The following DNAH6 variants were observed in gnomAD, a reference collection of about 807,000 sequenced individuals.
DNAH6 encodes dynein axonemal heavy chain 6.
A neutral mutation model predicts 491.4 loss-of-function variants in DNAH6; 340 were observed. The ratio of observed to expected loss-of-function variants is 0.69; its 90% CI spans 0.63 to 0.76. DNAH6 has a LOEUF of 0.76. DNAH6 is among the 30% of genes least tolerant of loss of function. The pLI, the probability that DNAH6 is intolerant of heterozygous loss-of-function variation, is 0.00. For missense variants in DNAH6, 4,443 were observed against 4,972.2 expected, an observed-to-expected ratio of 0.89 and a Z score of 3.20; for synonymous variants, 1,603 against 1,686.1, an observed-to-expected ratio of 0.95 and a Z score of 1.21.
intron 38 of DNAH6, among the ~76,000 whole-genome samples, 194 bp downstream of exon 38, chr2:84,669,704 A>C (rs1263164168): frequency 1.3e-5 from 2 of 152,200 alleles, no homozygotes; most frequent in Non-Finnish European, 2.9e-5. Flanking sequence ...TTCTGAACAC[A>C]TTCTTGGAGT....
chr2:84,594,639 A>G lies in DNAH6; in HGVS notation c.2724+554A>G, dbSNP rs1444717232. Reference sequence around the variant, plus strand: ...AACAAAGGTCAACTCTCTACAAGGCAAAATAGATGGCCACCTATACTTTCA... The same window carrying G: ...AACAAAGGTCAACTCTCTACAAGGCGAAATAGATGGCCACCTATACTTTCA... On this transcript the variant is annotated intron_variant, in intron 17 of 76. Transcript: ENST00000389394. Among the ~76,000 whole-genome samples, 3 of 152,236 alleles carry G rather than the reference A, an allele frequency of 2.0e-5. No homozygotes were observed. The East Asian group carries it at 5.8e-4, about 29-fold the overall frequency.
intron 33 of DNAH6, 84 bp from the exon 34 acceptor site, chr2:84,653,235 T>A: frequency 8.9e-7 from 1 of 1,123,448 alleles, no homozygotes; most frequent in Non-Finnish European, 1.2e-6. Flanking sequence ...ACAATAAGAC[T>A]CATAATATTT....
rs535869571 is a variant in DNAH6, at chr2:84,784,889, G to A, written c.10953+79G>A. The A allele has an allele frequency of 2.9e-5, 29 of 1,014,088 alleles. No individual in the cohort carries two copies. In the South Asian group the frequency reaches 3.9e-4, roughly 14 times the overall value. The allele number at this position is 1,014,088 out of a possible 1,614,324, so 62.8% of individuals were successfully genotyped here. Reference sequence around the variant, plus strand: ...ACCTAGTGCCTCCCAGGAGATCAGAGCCTGCACAGAAGCATGTGGAGGTCT... The same window carrying A: ...ACCTAGTGCCTCCCAGGAGATCAGAACCTGCACAGAAGCATGTGGAGGTCT... On this transcript the variant is annotated intron_variant, in intron 66 of 76. Coordinates refer to ENST00000389394, the MANE Select transcript of DNAH6 (RefSeq NM_001370.2).
intron 9 of DNAH6, 141 bp downstream of exon 9, chr2:84,550,198 C>A: frequency 1.5e-6 from 1 of 655,722 alleles, no homozygotes; most frequent in Non-Finnish European, 2.5e-6. Context: ...ACATTTTGGA[C>A]ACCAGAGACC....
intron 63 of DNAH6, among the ~76,000 whole-genome samples, chr2:84,746,880 C>T (rs1252636303): frequency 2.0e-5 from 3 of 152,096 alleles, no homozygotes; most frequent in Non-Finnish European, 4.4e-5. Context: ...AGGCACATCA[C>T]ATGGTGAGAG....
intron 64 of DNAH6, among the ~76,000 whole-genome samples, chr2:84,772,022 G>T (rs750292788): frequency 3.9e-5 from 6 of 152,014 alleles, no homozygotes; most frequent in Non-Finnish European, 8.8e-5. Flanking sequence ...ATAAATATAT[G>T]TTGGTCATGC....
chr2:84,518,203 T>C (rs1398003488), intron 2 of DNAH6, among the ~76,000 whole-genome samples, 152 bp downstream of exon 2: 2 of 152,210 alleles, frequency 1.3e-5, no homozygotes, highest in African/African-American at 4.8e-5. Flanking sequence ...GTAAATACGG[T>C]AAATATTTAT....
rs747006596 is a variant in DNAH6 at position 84,577,363 on chromosome 2, G to A, written c.2031G>A (p.Arg677=). 3.1e-6 allele frequency: 5 copies of A among 1,610,764 alleles called. No individual in the cohort carries two copies. Among genetic ancestry groups the A allele is most frequent in the South Asian group, 1.1e-5 (1 of 90,358 alleles). The change falls in exon 13 of 77, where the codon AGG becomes AGA. Residue 677 remains arginine, a synonymous_variant. Coordinates refer to ENST00000389394, the MANE Select transcript of DNAH6 (RefSeq NM_001370.2). Reference sequence around the variant, plus strand: ...TAGGATTGCTGCTCATTGATACTAGGCTTCTAAGAGAAAAATTAATTCCAT... The same window carrying A: ...TAGGATTGCTGCTCATTGATACTAGACTTCTAAGAGAAAAATTAATTCCAT... ...RNVGLLLIDT[R]LLREKLIPSP...
At chr2:84,496,552 A>G in the DNAH6 span, among the ~76,000 whole-genome samples, 6 of 152,168 alleles carry the variant, frequency 3.9e-5, no homozygotes, top group African/African-American at 1.4e-4. Flanking sequence ...TGAATCACCT[A>G]TAAGAATTTT....
Position 84,658,397 on chromosome 2 carries a change from G to A in DNAH6, c.5863G>A (p.Asp1955Asn), listed in dbSNP as rs913537256. ...KKCSQAIPQV[D>N]ISKVTTLCCL... ...GTGCAGCCAAGCAATTCCACAAGTG[G>A]ACATCAGCAAAGTTACTACACTCTG... The change falls in exon 36 of 77, where the codon GAC (aspartate) becomes AAC (asparagine). Residue 1955 changes from aspartate to asparagine, a missense_variant. Around this residue, in one of 3 missense-constraint regions of DNAH6, gnomAD observed 2,977 missense variants for 3,296.6 expected, o/e 0.90. Transcript: ENST00000389394. 5.2e-6 allele frequency: 8 copies of A among 1,549,194 alleles called. No homozygotes were observed. In the African/African-American group the frequency reaches 1.1e-4, roughly 21 times the overall value.
intron 62 of DNAH6, among the ~76,000 whole-genome samples, chr2:84,734,253 G>C (rs1337236254): frequency 6.6e-6 from 1 of 150,608 alleles, no homozygotes; most frequent in African/African-American, 2.4e-5. Flanking sequence ...TCATTCTCTG[G>C]CCTCAGCCTC....
At position 84,547,257 on chromosome 2, in the gene DNAH6, T is replaced by C; in HGVS notation, c.931-11T>C. On this transcript the variant is annotated splice_polypyrimidine_tract_variant and intron_variant, in intron 5 of 76. Coordinates refer to ENST00000389394, the MANE Select transcript of DNAH6 (RefSeq NM_001370.2). ...ATTTTTACTAAATAATAAATTCCTA[T>C]TTTCATTCAGCATTTGCGACCAGCT... is the stretch of plus-strand genomic sequence containing the variant. 1 of 1,514,348 alleles carries C rather than the reference T, an allele frequency of 6.6e-7. No homozygotes were observed. The highest frequency in any genetic ancestry group is 8.9e-7 in the Non-Finnish European group (1 of 1,128,338). The allele number at this position is 1,514,348 out of a possible 1,614,324, so 93.8% of individuals were successfully genotyped here. A position where few individuals can be genotyped will look rare whatever the true frequency, so the allele number is the denominator to read the frequency against.
At chr2:84,690,304 T>G (rs901598037) in intron 45 of DNAH6, among the ~76,000 whole-genome samples, 2 of 152,226 alleles carry the variant, frequency 1.3e-5, no homozygotes, top group African/African-American at 4.8e-5. Flanking sequence ...TTAGCCCTAA[T>G]TCAAGATTTA....
At chr2:84,793,114 G>A (rs1464970197) in intron 68 of DNAH6, among the ~76,000 whole-genome samples, 1 of 152,186 alleles carries the variant, frequency 6.6e-6, no homozygotes, top group African/African-American at 2.4e-5. Flanking sequence ...CCACTATGTT[G>A]GGTTCTGCAA....
chr2:84,492,667 A>G, the DNAH6 span, among the ~76,000 whole-genome samples: 1 of 152,192 alleles, frequency 6.6e-6, no homozygotes, highest in Admixed American at 6.5e-5. Flanking sequence ...TCAAAATGCC[A>G]TATTGCTCTT....
intron 61 of DNAH6, among the ~76,000 whole-genome samples, chr2:84,730,566 C>CA (rs200215137): frequency 0.038 from 5,742 of 149,970 alleles, 122 homozygotes; most frequent in Middle Eastern, 0.092. Flanking sequence ...AAAAAAATCT[C>CA]AAAAAAAAAA....
chr2:84,595,729 C>T lies in DNAH6; in HGVS notation c.2808C>T (p.Gly936=). 6.4e-7 allele frequency: 1 copy of T among 1,551,290 alleles called. No homozygotes were observed. Among genetic ancestry groups the T allele is most frequent in the Non-Finnish European group, 8.7e-7 (1 of 1,146,822 alleles). ...AATTTGTGACTCAACTGGAAAAAGG[C>T]TTGCCACCCAACAGTGTAGTGCCCC... is the stretch of plus-strand genomic sequence containing the variant. ...YAKFVTQLEK[G]LPPNSVVPQL... Residue 936 remains glycine (G), a synonymous_variant, in exon 18 of 77, where the codon GGC becomes GGT. Coordinates refer to ENST00000389394, the MANE Select transcript of DNAH6 (RefSeq NM_001370.2).
intron 2 of DNAH6, among the ~76,000 whole-genome samples, chr2:84,523,838 T>C (rs1026393009): frequency 7.2e-5 from 11 of 152,138 alleles, no homozygotes; most frequent in Admixed American, 5.9e-4. Flanking sequence ...TAATTTCAGT[T>C]CTTTTGCATT....
At chr2:84,661,568 T>A (rs936975136) in intron 37 of DNAH6, among the ~76,000 whole-genome samples, 6 of 152,150 alleles carry the variant, frequency 3.9e-5, no homozygotes, top group African/African-American at 1.2e-4. Context: ...AAATACCAAC[T>A]ACTTAGGAAT....
Sources: gnomAD v4.1 joint callset for allele counts (sites outside exome capture counted in the v4.1 genomes callset) on GRCh38, gnomAD v4.1.1 for gene constraint, gnomAD v4.1.1 regional missense constraint, MANE v1.5 for transcripts, NCBI Gene and HGNC (gene_info 2026-07-23, HGNC 2026-07-21) for gene names.